The following LHFPL3 variants were observed in gnomAD, a reference collection of about 807,000 sequenced individuals.
LHFPL3 encodes the protein LHFPL tetraspan subfamily member 3.
Under a neutral mutation model 19.3 loss-of-function variants are expected in LHFPL3, and 5 were observed. That is an observed-to-expected ratio of 0.26 (90% CI 0.14 to 0.54). The LOEUF is 0.54. Among genes scored for constraint, LHFPL3 ranks in the 20% least tolerant of loss-of-function variants. The probability of loss-of-function intolerance (pLI) is 0.94; values close to 1 mark genes in which losing one functional copy is unlikely to be tolerated. For synonymous variants in LHFPL3, 133 were observed against 126.2 expected (o/e 1.05, Z -0.36); for missense variants, 249 against 307.4 (o/e 0.81, Z 1.42).
At chr7:104,835,416 C>G (rs1343661012) in intron 2 of LHFPL3, among the ~76,000 whole-genome samples, 26 of 151,828 alleles carry the variant, frequency 1.7e-4, no homozygotes, top group Non-Finnish European at 1.5e-5. Context: ...ACAACAGCAC[C>G]AGCAAGAAGG....
At chr7:104,707,281 C>G (rs1584490063) in intron 1 of LHFPL3, among the ~76,000 whole-genome samples, 1 of 152,286 alleles carries the variant, frequency 6.6e-6, no homozygotes, top group East Asian at 1.9e-4. Context: ...CCATCCAGTT[C>G]ACTGAAAAGT....
intron 1 of LHFPL3, among the ~76,000 whole-genome samples, chr7:104,666,097 A>T (rs1410139145): frequency 6.6e-6 from 1 of 152,208 alleles, no homozygotes; most frequent in Admixed American, 6.5e-5. Flanking sequence ...ATTTTGTTAC[A>T]TGCATAGAAT....
intron 2 of LHFPL3, among the ~76,000 whole-genome samples, chr7:104,765,734 C>T (rs1007639435): frequency 6.6e-6 from 1 of 152,220 alleles, no homozygotes; most frequent in East Asian, 1.9e-4. Flanking sequence ...AGCAGCAGAG[C>T]AGAGCCCCAT....
At chr7:104,365,290 ACT>A (rs1354199642) in intron 1 of LHFPL3, among the ~76,000 whole-genome samples, 1 of 151,918 alleles carries the variant, frequency 6.6e-6, no homozygotes, top group Non-Finnish European at 1.5e-5. Flanking sequence ...CAAGAGTGAA[ACT>A]CTGTCTCAAA....
At chr7:104,890,879 T>C (rs961140922) in intron 2 of LHFPL3, among the ~76,000 whole-genome samples, 6 of 152,108 alleles carry the variant, frequency 3.9e-5, no homozygotes, top group African/African-American at 1.2e-4. Context: ...CTGATGAGAA[T>C]AGACAGAACC....
Position 104,781,116 on chromosome 7 carries a change from A to G in LHFPL3, c.682+44205A>G, listed in dbSNP as rs1278555012. Among the ~76,000 whole-genome samples the G allele has an allele frequency of 6.6e-5, 10 of 152,122 alleles. No homozygotes were observed. The East Asian group carries it at 1.7e-3, about 26-fold the overall frequency. On this transcript the variant is annotated intron_variant, in intron 2 of 2. Transcript: ENST00000424859. ...GAATATCAGAGGGAAAAAAAAATTC[A>G]CGTAACCACAGAAATAGGTACCATT...
At position 104,734,414 on chromosome 7, in the gene LHFPL3, G is replaced by T. The variant is rs191381726; in HGVS notation, c.446-2261G>T. Among the ~76,000 whole-genome samples the T allele has an allele frequency of 4.8e-3, 730 of 152,216 alleles. 4 individuals are homozygous for T. Among genetic ancestry groups the T allele is most frequent in the African/African-American group, 0.016 (681 of 41,548 alleles). ...CCCATATTTCTTGGAGACCTTGTTCGTTTCTTTTTATTCTTTTTTCTCTAA... is the reference window on the plus strand; with the variant it reads ...CCCATATTTCTTGGAGACCTTGTTCTTTTCTTTTTATTCTTTTTTCTCTAA... On this transcript the variant is annotated intron_variant, in intron 1 of 2. Coordinates refer to ENST00000424859, the MANE Select transcript of LHFPL3 (RefSeq NM_199000.3).
intron 1 of LHFPL3, among the ~76,000 whole-genome samples, chr7:104,540,144 C>T (rs756271793): frequency 8.6e-5 from 13 of 151,980 alleles, no homozygotes; most frequent in Non-Finnish European, 1.5e-4. Context: ...CAGTGATGTG[C>T]TATAGGCATT....
At chr7:104,829,507 A>T (rs889172210) in intron 2 of LHFPL3, among the ~76,000 whole-genome samples, 29 of 150,424 alleles carry the variant, frequency 1.9e-4, no homozygotes, top group East Asian at 3.9e-4. Flanking sequence ...CAGTCCCCGG[A>T]GTGTGATGTT....
chr7:104,337,495 C>T (rs895012755), intron 1 of LHFPL3, among the ~76,000 whole-genome samples: 3 of 151,830 alleles, frequency 2.0e-5, no homozygotes, highest in Non-Finnish European at 4.4e-5. Context: ...TTATAATAGA[C>T]TCTAAAATTA....
chr7:104,553,160 A>G (rs1026583746), intron 1 of LHFPL3, among the ~76,000 whole-genome samples: 2 of 152,102 alleles, frequency 1.3e-5, no homozygotes, highest in African/African-American at 4.8e-5. Context: ...TTGATCTTGA[A>G]TCTAAAATAA....
chr7:104,472,743 A>G (rs1792936126), intron 1 of LHFPL3, among the ~76,000 whole-genome samples: 1 of 152,120 alleles, frequency 6.6e-6, no homozygotes, highest in African/African-American at 2.4e-5. Context: ...CTCCCCAGCT[A>G]ACCCAGTTTT....
chr7:104,790,081 A>G (rs1445585988), intron 2 of LHFPL3, among the ~76,000 whole-genome samples: 1 of 152,210 alleles, frequency 6.6e-6, no homozygotes, highest in Non-Finnish European at 1.5e-5. Context: ...CAATGAAGTC[A>G]CCTTGCTGAA....
intron 1 of LHFPL3, among the ~76,000 whole-genome samples, chr7:104,510,386 A>G (rs1239475953): frequency 2.0e-5 from 3 of 152,144 alleles, no homozygotes; most frequent in South Asian, 4.1e-4. Flanking sequence ...ACAGACACAC[A>G]GATCAATGGA....
intron 1 of LHFPL3, among the ~76,000 whole-genome samples, chr7:104,677,315 T>C (rs1385709050): frequency 6.7e-6 from 1 of 149,376 alleles, no homozygotes; most frequent in African/African-American, 2.5e-5. Context: ...AGTTCAAGGC[T>C]ACAGCAGGCT....
chr7:104,615,682 C>G (rs6974342), intron 1 of LHFPL3, among the ~76,000 whole-genome samples: 1 of 151,040 alleles, frequency 6.6e-6, no homozygotes. Context: ...TACCCACCCC[C>G]ACCCCCTGAC....
chr7:104,751,954 T>C (rs968890026), intron 2 of LHFPL3, among the ~76,000 whole-genome samples: 6 of 152,096 alleles, frequency 3.9e-5, no homozygotes, highest in Non-Finnish European at 4.4e-5. Flanking sequence ...GCTGAGGGTA[T>C]GGCGCCCTGC....
intron 2 of LHFPL3, among the ~76,000 whole-genome samples, chr7:104,813,436 T>C (rs1300320546): frequency 1.3e-5 from 2 of 152,244 alleles, no homozygotes; most frequent in East Asian, 3.8e-4. Context: ...ACCATTTTTC[T>C]GGTCGGAAAA....
intron 1 of LHFPL3, among the ~76,000 whole-genome samples, chr7:104,334,593 G>A (rs767319874): frequency 1.9e-4 from 29 of 152,146 alleles, no homozygotes; most frequent in South Asian, 4.1e-4. Context: ...TGAATGCTGT[G>A]TACTTTGAAA....
Sources: gnomAD v4.1 joint callset for allele counts (sites outside exome capture counted in the v4.1 genomes callset) on GRCh38, gnomAD v4.1.1 for gene constraint, MANE v1.5 for transcripts, NCBI Gene and HGNC (gene_info 2026-07-23, HGNC 2026-07-21) for gene names.